The following SGCG variants were observed in gnomAD, a reference collection of about 807,000 sequenced individuals.
The protein encoded by SGCG is sarcoglycan gamma, also known as gamma-sarcoglycan.
Under a neutral mutation model 29.3 loss-of-function variants are expected in SGCG, and 26 were observed. That is an observed-to-expected ratio of 0.89 (90% CI 0.65 to 1.23). SGCG has a LOEUF of 1.23. Among genes scored for constraint, SGCG ranks in the 50% most tolerant of loss-of-function variants. The pLI is 0.00. For synonymous variants in SGCG, 145 were observed against 129.7 expected, an observed-to-expected ratio of 1.12 and a Z score of -0.80; for missense variants, 353 against 356.0, an observed-to-expected ratio of 0.99 and a Z score of 0.07.
At chr13:23,278,985 C>T (rs562115652) in intron 4 of SGCG, among the ~76,000 whole-genome samples, 3 of 152,078 alleles carry the variant, frequency 2.0e-5, no homozygotes, top group Non-Finnish European at 4.4e-5. Flanking sequence ...TGGTCTTTCA[C>T]AAATCTCACA....
intron 4 of SGCG, among the ~76,000 whole-genome samples, chr13:23,259,537 A>G (rs1054443052): frequency 2.6e-5 from 4 of 151,438 alleles, no homozygotes; most frequent in African/African-American, 9.7e-5. Context: ...TTATGTTTCT[A>G]TCTCCCTCAG....
intron 2 of SGCG, among the ~76,000 whole-genome samples, chr13:23,220,498 G>A: frequency 6.6e-6 from 1 of 152,042 alleles, no homozygotes; most frequent in Non-Finnish European, 1.5e-5. Context: ...ATATATTTTT[G>A]ACTTTTTCTG....
chr13:23,167,100 G>A, the SGCG span, among the ~76,000 whole-genome samples: 372 of 152,166 alleles, frequency 2.4e-3, 3 homozygotes, highest in Non-Finnish European at 3.5e-3. Flanking sequence ...GTCTCCATGA[G>A]TTCAATTGTT....
chr13:23,202,735 T>C (rs1877814651), intron 1 of SGCG, among the ~76,000 whole-genome samples: 1 of 152,180 alleles, frequency 6.6e-6, no homozygotes, highest in East Asian at 1.9e-4. Flanking sequence ...AGATTTGTTT[T>C]AGACCATAAC....
At chr13:23,206,108 T>C (rs977532635) in intron 2 of SGCG, among the ~76,000 whole-genome samples, 2 of 152,240 alleles carry the variant, frequency 1.3e-5, no homozygotes, top group African/African-American at 4.8e-5. Flanking sequence ...CTTTAATTCT[T>C]ACTGATTTGA....
At position 23,244,772 on chromosome 13, in the gene SGCG, AATC is replaced by A. The variant is rs560188564; in HGVS notation, c.298-5852_298-5850del. The A allele has an allele frequency of 7.9e-5, 12 of 152,338 alleles. 1 individual carries two copies. The East Asian group carries it at 1.9e-3, about 24-fold the overall frequency. The allele number at this position is 152,338 out of a possible 1,614,324, so 9.4% of individuals were successfully genotyped here. A position where few individuals can be genotyped will look rare whatever the true frequency, so the allele number is the denominator to read the frequency against. Reference sequence around the variant, plus strand: ...TTACGACTTCTCCAAGGCGCTTTGAAATCATCATGGAAGGGCTTTGGCATCTCT... The same window carrying A: ...TTACGACTTCTCCAAGGCGCTTTGAAATCATGGAAGGGCTTTGGCATCTCT... On this transcript the variant is annotated intron_variant, in intron 3 of 7. Transcript: ENST00000218867.
intron 5 of SGCG, among the ~76,000 whole-genome samples, chr13:23,291,182 CTTTCT>C (rs1307733613): frequency 6.6e-6 from 1 of 152,104 alleles, no homozygotes; most frequent in Non-Finnish European, 1.5e-5. Flanking sequence ...TTAGACTAGG[CTTTCT>C]TTTATTTTCC....
At chr13:23,252,815 A>G (rs189211429) in intron 4 of SGCG, among the ~76,000 whole-genome samples, 1,793 of 152,286 alleles carry the variant, frequency 0.012, 24 homozygotes, top group Admixed American at 0.014. Flanking sequence ...TATAATATAA[A>G]CCTGCCTCTC....
chr13:23,322,772 C>CCCT (rs1883094555), intron 7 of SGCG, among the ~76,000 whole-genome samples: 1 of 29,654 alleles, frequency 3.4e-5, no homozygotes, highest in Non-Finnish European at 6.9e-5. Flanking sequence ...CCATCCACCT[C>CCCT]CCCCCCCCCC....
At chr13:23,256,342 C>T (rs2137578013) in intron 4 of SGCG, among the ~76,000 whole-genome samples, 1 of 152,228 alleles carries the variant, frequency 6.6e-6, no homozygotes, top group South Asian at 2.1e-4. Context: ...TATTAAGTTA[C>T]TCAAGGAAAT....
chr13:23,270,937 T>G (rs17315209), intron 4 of SGCG, among the ~76,000 whole-genome samples: 44,413 of 152,078 alleles, frequency 0.29, 8,174 homozygotes, highest in Middle Eastern at 0.54. Flanking sequence ...AAGTCCATCC[T>G]TAGGCCAGGT....
the SGCG span, among the ~76,000 whole-genome samples, chr13:23,170,326 A>G: frequency 6.6e-6 from 1 of 152,178 alleles, no homozygotes; most frequent in African/African-American, 2.4e-5. Context: ...ATGAAAACAA[A>G]TGGACTTTGT....
intron 6 of SGCG, among the ~76,000 whole-genome samples, chr13:23,311,077 T>A (rs1434723117): frequency 1.3e-5 from 2 of 152,224 alleles, no homozygotes. Context: ...GTACATTTGT[T>A]CCCTGTGTCT....
chr13:23,324,755 T>G lies in SGCG; in HGVS notation c.*214T>G, dbSNP rs1308266986. The G allele has an allele frequency of 6.9e-6, 4 of 576,776 alleles. No homozygotes were observed. In the Admixed American group the frequency reaches 1.2e-4, roughly 17 times the overall value. The allele number at this position is 576,776 out of a possible 1,614,324, so 35.7% of individuals were successfully genotyped here. On this transcript the variant is annotated 3_prime_UTR_variant, in exon 8 of 8. Coordinates refer to ENST00000218867, the MANE Select transcript of SGCG (RefSeq NM_000231.3). Reference sequence around the variant, plus strand: ...ATGTGAGACACAAAAGTTGACAAAATGGAAAAGCAATGTGTTTTTCCACTG... The same window carrying G: ...ATGTGAGACACAAAAGTTGACAAAAGGGAAAAGCAATGTGTTTTTCCACTG...
At chr13:23,253,458 A>G (rs1353133361) in intron 4 of SGCG, among the ~76,000 whole-genome samples, 1 of 152,194 alleles carries the variant, frequency 6.6e-6, no homozygotes, top group African/African-American at 2.4e-5. Context: ...TCTTCCGTAC[A>G]TGACTTCCCA....
At chr13:23,303,649 C>A (rs1327989033) in intron 6 of SGCG, among the ~76,000 whole-genome samples, 1 of 152,190 alleles carries the variant, frequency 6.6e-6, no homozygotes, top group Non-Finnish European at 1.5e-5. Flanking sequence ...ATGCACGTAT[C>A]AGAGGTTTTT....
intron 2 of SGCG, 147 bp downstream of exon 2, chr13:23,204,036 T>C (rs1877883083): frequency 3.0e-6 from 2 of 676,608 alleles, no homozygotes; most frequent in Non-Finnish European, 5.2e-6. Context: ...AATATGTATG[T>C]AGCATTTACG....
At chr13:23,303,635 A>T (rs901058487) in intron 6 of SGCG, among the ~76,000 whole-genome samples, 3 of 152,218 alleles carry the variant, frequency 2.0e-5, no homozygotes, top group African/African-American at 7.2e-5. Flanking sequence ...ACAAGTTCCC[A>T]GGTATGCACG....
chr13:23,316,301 A>C (rs1430931592), intron 6 of SGCG, among the ~76,000 whole-genome samples: 6 of 152,176 alleles, frequency 3.9e-5, no homozygotes, highest in African/African-American at 1.4e-4. Flanking sequence ...TGTTTCTGCC[A>C]AGACTACTAT....
Sources: allele counts gnomAD v4.1 joint callset (sites outside exome capture counted in the v4.1 genomes callset), GRCh38; gene constraint gnomAD v4.1.1; transcripts MANE v1.5; gene names NCBI Gene and HGNC (gene_info 2026-07-23, HGNC 2026-07-21).